ZNF217: variants seen among roughly 807,000 people sequenced by gnomAD.
ZNF217 encodes the protein zinc finger protein 217.
In ZNF217, 12 loss-of-function variants were observed where a neutral mutation model predicts 73.3. The ratio of observed to expected loss-of-function variants is 0.16; its 90% CI spans 0.10 to 0.27. The LOEUF (loss-of-function observed/expected upper bound fraction) is 0.27. Ranked by LOEUF, ZNF217 falls within the 10% of genes least tolerant of loss-of-function variation. The pLI is 1.00. For synonymous variants in ZNF217, 588 were observed against 516.4 expected (o/e 1.14, Z -1.88); for missense variants, 1,195 against 1,327.8 (o/e 0.90, Z 1.55).
At chr20:53,584,269 C>T (rs972176817) in intron 1 of ZNF217, among the ~76,000 whole-genome samples, 49 of 152,354 alleles carry the variant, frequency 3.2e-4, no homozygotes, top group African/African-American at 1.2e-3. Flanking sequence ...ATGCAAACTA[C>T]TCCCAGCAAA....
Position 53,581,448 on chromosome 20 carries a change from C to A in ZNF217, c.1366+13G>T. The A allele has an allele frequency of 6.3e-7, 1 of 1,595,324 alleles. No individual in the cohort carries two copies. Among genetic ancestry groups the A allele is most frequent in the Non-Finnish European group, 8.6e-7 (1 of 1,168,418 alleles). On this transcript the variant is annotated intron_variant, in intron 2 of 5. Transcript: ENST00000371471. The surrounding 1 kb of genome is among the most constrained non-coding windows in gnomAD (Gnocchi z 4.9). ...CAGGCGGAACAGCACGGGACGGAGA[C>A]AGGGCAGCTTACCCAGATGGATTCC... is the stretch of plus-strand genomic sequence containing the variant.
chr20:53,569,691 C>T (rs1987910089), intron 5 of ZNF217, among the ~76,000 whole-genome samples: 1 of 152,144 alleles, frequency 6.6e-6, no homozygotes, highest in African/African-American at 2.4e-5. Context: ...GCCCTGGGTT[C>T]TATTTAAGTT....
At chr20:53,579,717 A>G (rs1048206805) in intron 2 of ZNF217, among the ~76,000 whole-genome samples, 1 of 152,196 alleles carries the variant, frequency 6.6e-6, no homozygotes, top group Non-Finnish European at 1.5e-5. Flanking sequence ...TTACAGTTAT[A>G]TTTTTTAAAG....
chr20:53,570,856 T>C (rs1987967077), intron 5 of ZNF217, among the ~76,000 whole-genome samples: 1 of 152,228 alleles, frequency 6.6e-6, no homozygotes, highest in African/African-American at 2.4e-5. Flanking sequence ...ACCAGGCTCC[T>C]GCCTCTCACA....
chr20:53,576,363 T>C lies in ZNF217; in HGVS notation c.2401A>G (p.Lys801Glu), dbSNP rs1192503838. 15 of 1,614,194 alleles carry C rather than the reference T, an allele frequency of 9.3e-6. No homozygotes were observed. The highest frequency in any genetic ancestry group is 1.1e-5 in the Non-Finnish European group (13 of 1,180,044). Residue 801 changes from lysine to glutamate, a missense_variant, in exon 4 of 6, where the codon AAG (lysine) becomes GAG (glutamate). Around this residue, in one of 9 missense-constraint regions of ZNF217, gnomAD observed 649 missense variants for 642.8 expected, o/e 1.01. Transcript: ENST00000371471. ...TCTATCCCTGAAGTCAGAGGGGCCT[T>C]GCCTGGCCCAGGAGGGCTCTGCTTC... is the stretch of plus-strand genomic sequence containing the variant. ...KGKQSPPGPGKAPLTSGIDSS... is the reference protein window; with the variant it reads ...KGKQSPPGPGEAPLTSGIDSS...
At chr20:53,573,406 G>T (rs1359010786) in intron 4 of ZNF217, among the ~76,000 whole-genome samples, 1 of 151,988 alleles carries the variant, frequency 6.6e-6, no homozygotes, top group East Asian at 1.9e-4. Context: ...TTAATTTGCA[G>T]TATTGTAGCG....
intron 4 of ZNF217, chr20:53,575,482 A>T (rs142803649): frequency 1.9e-5 from 8 of 414,844 alleles, no homozygotes; most frequent in African/African-American, 1.4e-4. Flanking sequence ...CTAAAAATAA[A>T]GTAAGACTAA....
Position 53,575,996 on chromosome 20 carries a change from C to T in ZNF217, c.2768G>A (p.Ser923Asn). ...CTGGTCAACGTCAAGGGCAACCACG[C>T]TGGACTTCAGTCTTTTTGGAAGGGG... ...GEPLPKRLKS[S>N]VVALDVDQPG... The change falls in exon 4 of 6, where the codon AGC (serine) becomes AAC (asparagine). Residue 923 changes from serine to asparagine, a missense_variant. Ser to Asn is a conservative substitution (Grantham distance 46). Transcript: ENST00000371471. 1 of 1,614,202 alleles carries T rather than the reference C, an allele frequency of 6.2e-7. No homozygotes were observed. The highest frequency in any genetic ancestry group is 8.5e-7 in the Non-Finnish European group (1 of 1,180,038).
chr20:53,586,096 CTGTT>C (rs1294958348), intron 1 of ZNF217, among the ~76,000 whole-genome samples: 2 of 152,306 alleles, frequency 1.3e-5, no homozygotes, highest in Admixed American at 6.5e-5. Context: ...TAAAACCATC[CTGTT>C]TGTTTGCTTG....
chr20:53,568,466 C>G lies in ZNF217; in HGVS notation c.*822G>C, dbSNP rs1987839603. The G allele has an allele frequency of 6.6e-6, 1 of 152,178 alleles. No individual in the cohort carries two copies. The highest frequency in any genetic ancestry group is 6.5e-5 in the Admixed American group (1 of 15,274). The allele number at this position is 152,178 out of a possible 1,614,324, so 9.4% of individuals were successfully genotyped here. A position where few individuals can be genotyped will look rare whatever the true frequency, so the allele number is the denominator to read the frequency against. ...GTTTATACAACGTGTGGCTGCTCTA[C>G]AGAGAAAATGCTTGTCTGTAGACAC... On this transcript the variant is annotated 3_prime_UTR_variant, in exon 6 of 6. Transcript: ENST00000371471.
intron 1 of ZNF217, among the ~76,000 whole-genome samples, chr20:53,592,660 C>T (rs1192792391): frequency 6.6e-6 from 1 of 151,764 alleles, no homozygotes; most frequent in African/African-American, 2.4e-5. Flanking sequence ...CGGGTCTTGC[C>T]CCTCGGGCGG....
At chr20:53,591,307 AGT>A (rs914317385) in intron 1 of ZNF217, among the ~76,000 whole-genome samples, 11 of 152,234 alleles carry the variant, frequency 7.2e-5, no homozygotes, top group Non-Finnish European at 1.3e-4. Flanking sequence ...TAAAGAAAAA[AGT>A]GTGTGTCCTT....
Position 53,576,518 on chromosome 20 carries a change from A to G in ZNF217, c.2246T>C (p.Leu749Pro), listed in dbSNP as rs1485255344. 6.2e-7 allele frequency: 1 copy of G among 1,614,254 alleles called. No individual in the cohort carries two copies. The highest frequency in any genetic ancestry group is 8.5e-7 in the Non-Finnish European group (1 of 1,180,044). The change falls in exon 4 of 6, where the codon CTT becomes CCT. Residue 749 changes from leucine (L) to proline (P), a missense_variant. Around this residue, in one of 9 missense-constraint regions of ZNF217, gnomAD observed 649 missense variants for 642.8 expected, o/e 1.01. Coordinates refer to ENST00000371471, the MANE Select transcript of ZNF217 (RefSeq NM_006526.3). ...CGGGCATCCGGTACGTCGACTTCTAAGCAAGGACTTGTTTCGACAGTTTTT... is the reference window on the plus strand; with the variant it reads ...CGGGCATCCGGTACGTCGACTTCTAGGCAAGGACTTGTTTCGACAGTTTTT... ...VHKNCRNKSLLRSRRTGCPPA... is the reference protein window; with the variant it reads ...VHKNCRNKSLPRSRRTGCPPA...
intron 3 of ZNF217, 88 bp downstream of exon 3, chr20:53,578,246 T>G: frequency 1.2e-6 from 1 of 825,024 alleles, no homozygotes; most frequent in Non-Finnish European, 1.9e-6. Context: ...TCCAAGGATC[T>G]GGCAGAGTAT....
chr20:53,594,557 G>A (rs1366064135), upstream of ZNF217, among the ~76,000 whole-genome samples: 1 of 151,578 alleles, frequency 6.6e-6, no homozygotes, highest in Non-Finnish European at 1.5e-5. Context: ...CGCGCCCCCC[G>A]CCCCGCACCC....
intron 2 of ZNF217, among the ~76,000 whole-genome samples, chr20:53,579,271 AAAC>A (rs1988398024): frequency 1.3e-5 from 2 of 152,144 alleles, no homozygotes; most frequent in Admixed American, 1.3e-4. Context: ...ACCACCCCCA[AAAC>A]ACATGAATGT....
chr20:53,586,651 T>A (rs1362686529), intron 1 of ZNF217, among the ~76,000 whole-genome samples: 2 of 152,214 alleles, frequency 1.3e-5, no homozygotes, highest in African/African-American at 4.8e-5. Context: ...CAGGTTTACA[T>A]CCCTTAAAAC....
At chr20:53,584,363 G>A (rs1988614880) in intron 1 of ZNF217, among the ~76,000 whole-genome samples, 1 of 152,224 alleles carries the variant, frequency 6.6e-6, no homozygotes, top group South Asian at 2.1e-4. Context: ...CAGGCTCAGA[G>A]AAGCCAAGGA....
intron 4 of ZNF217, chr20:53,572,718 T>G (rs985169859): frequency 6.6e-6 from 1 of 152,192 alleles, no homozygotes. Context: ...CAAACTGAAA[T>G]GTGCAAAACT....
Sources: gnomAD v4.1 joint callset for allele counts (sites outside exome capture counted in the v4.1 genomes callset) on GRCh38, gnomAD v4.1.1 for gene constraint, gnomAD v4.1.1 regional missense constraint, Gnocchi (gnomAD v3.1) non-coding constraint, MANE v1.5 for transcripts, NCBI Gene and HGNC (gene_info 2026-07-23, HGNC 2026-07-21) for gene names.